The following CBFA2T2 variants were observed in gnomAD, a reference collection of about 807,000 sequenced individuals.
The protein encoded by CBFA2T2 is CBFA2/RUNX1 partner transcriptional co-repressor 2.
In CBFA2T2, 11 loss-of-function variants were observed where a neutral mutation model predicts 62.2. That is an observed-to-expected ratio of 0.18 (90% CI 0.11 to 0.29). The LOEUF (loss-of-function observed/expected upper bound fraction) is 0.29. Among genes scored for constraint, CBFA2T2 ranks in the 10% least tolerant of loss-of-function variants. The pLI, the probability that CBFA2T2 is intolerant of heterozygous loss-of-function variation, is 1.00. For missense variants in CBFA2T2, 592 were observed against 774.1 expected (o/e 0.76, Z 2.79); for synonymous variants, 295 against 287.5 (o/e 1.03, Z -0.27).
intron 1 of CBFA2T2, among the ~76,000 whole-genome samples, chr20:33,557,055 C>T (rs1212288580): frequency 8.5e-6 from 1 of 117,430 alleles, no homozygotes; most frequent in African/African-American, 3.4e-5. Flanking sequence ...CACTCTGTTG[C>T]CCCGGCTGGA....
At chr20:33,573,857 T>C (rs1332164049) in intron 1 of CBFA2T2, 3 of 238,730 alleles carry the variant, frequency 1.3e-5, no homozygotes, top group Non-Finnish European at 2.5e-5. Context: ...CATGGCTCAC[T>C]GCAGCCTTGA....
At chr20:33,536,184 G>A (rs961155710) in intron 1 of CBFA2T2, among the ~76,000 whole-genome samples, 1 of 152,146 alleles carries the variant, frequency 6.6e-6, no homozygotes, top group African/African-American at 2.4e-5. Flanking sequence ...GAGCTGTTGG[G>A]TACACCTCCC....
intron 8 of CBFA2T2, among the ~76,000 whole-genome samples, chr20:33,630,245 G>A (rs2016400130): frequency 6.6e-6 from 1 of 152,118 alleles, no homozygotes; most frequent in Non-Finnish European, 1.5e-5. Flanking sequence ...ACTGTGCCCA[G>A]CCTCGTACTT....
chr20:33,608,034 A>G lies in CBFA2T2; in HGVS notation c.178+935A>G, dbSNP rs527916671. On this transcript the variant is annotated intron_variant, in intron 2 of 10. Coordinates refer to ENST00000342704, the MANE Select transcript of CBFA2T2 (RefSeq NM_001032999.3). ...ATGGAGCAACTTGAACACTCATACA[A>G]TGCTGGTTGGAGTGTAATTTAGTAC... Among the ~76,000 whole-genome samples the G allele has an allele frequency of 9.2e-5, 14 of 152,366 alleles. No homozygotes were observed. The East Asian group carries it at 2.1e-3, about 23-fold the overall frequency.
chr20:33,544,013 G>A (rs534158919), intron 1 of CBFA2T2, among the ~76,000 whole-genome samples: 24 of 152,132 alleles, frequency 1.6e-4, no homozygotes, highest in African/African-American at 5.8e-4. Flanking sequence ...GATTATTGGA[G>A]TTGCTTCCTA....
At chr20:33,640,627 C>A in intron 10 of CBFA2T2, 96 bp downstream of exon 10, 1 of 1,124,740 alleles carries the variant, frequency 8.9e-7, no homozygotes, top group Non-Finnish European at 1.3e-6. Flanking sequence ...CACAGGCAGT[C>A]CACTCTTGAG....
At chr20:33,521,836 G>A (rs1412642160) in intron 1 of CBFA2T2, among the ~76,000 whole-genome samples, 1 of 152,070 alleles carries the variant, frequency 6.6e-6, no homozygotes, top group Non-Finnish European at 1.5e-5. Context: ...GTGTGTGTGT[G>A]TGTGTGTGTG....
intron 1 of CBFA2T2, among the ~76,000 whole-genome samples, chr20:33,560,911 C>G (rs2146892247): frequency 6.6e-6 from 1 of 152,272 alleles, no homozygotes; most frequent in South Asian, 2.1e-4. Context: ...CGGAGTCTCG[C>G]TCTGTCACCA....
At chr20:33,577,245 C>CTGG (rs2013874634) in intron 1 of CBFA2T2, among the ~76,000 whole-genome samples, 1 of 152,014 alleles carries the variant, frequency 6.6e-6, no homozygotes, top group African/African-American at 2.4e-5. Flanking sequence ...TCTAATATAC[C>CTGG]TGGATTTTTA....
intron 2 of CBFA2T2, among the ~76,000 whole-genome samples, chr20:33,609,488 C>T (rs1346216999): frequency 6.6e-6 from 1 of 151,822 alleles, no homozygotes; most frequent in Non-Finnish European, 1.5e-5. Flanking sequence ...GGAAACAGAG[C>T]AAGACTCGGT....
At chr20:33,554,311 G>A (rs1055291518) in intron 1 of CBFA2T2, among the ~76,000 whole-genome samples, 3 of 149,638 alleles carry the variant, frequency 2.0e-5, no homozygotes, top group African/African-American at 7.4e-5. Context: ...GGAGTGCAGA[G>A]GCATGATCTC....
At chr20:33,523,769 C>T (rs961713288) in intron 1 of CBFA2T2, among the ~76,000 whole-genome samples, 1 of 152,174 alleles carries the variant, frequency 6.6e-6, no homozygotes, top group Admixed American at 6.5e-5. Flanking sequence ...ACCGCAACCT[C>T]CGCCTCCCTG....
chr20:33,536,202 GT>G (rs1249074647), intron 1 of CBFA2T2, among the ~76,000 whole-genome samples: 1 of 152,142 alleles, frequency 6.6e-6, no homozygotes, highest in Non-Finnish European at 1.5e-5. Context: ...CCCAGACGGG[GT>G]GGTGGCCGGG....
intron 1 of CBFA2T2, among the ~76,000 whole-genome samples, chr20:33,582,889 C>T (rs538896558): frequency 1.3e-5 from 2 of 151,334 alleles, no homozygotes; most frequent in African/African-American, 2.4e-5. Context: ...TTGCAGTGAA[C>T]GAAGATCGCA....
chr20:33,600,711 G>A (rs571695268), intron 1 of CBFA2T2, among the ~76,000 whole-genome samples: 2 of 152,028 alleles, frequency 1.3e-5, no homozygotes, highest in Non-Finnish European at 1.5e-5. Flanking sequence ...TTGCCTGGCC[G>A]TCGTACATGG....
chr20:33,617,293 A>G (rs1475583340), intron 3 of CBFA2T2, among the ~76,000 whole-genome samples: 1 of 152,180 alleles, frequency 6.6e-6, no homozygotes, highest in South Asian at 2.1e-4. Flanking sequence ...TGTCCTGTAC[A>G]TGTGTACCTC....
intron 1 of CBFA2T2, among the ~76,000 whole-genome samples, chr20:33,523,496 TA>T (rs941927820): frequency 1.6e-4 from 24 of 152,126 alleles, no homozygotes; most frequent in African/African-American, 5.5e-4. Context: ...CAAAAGCATT[TA>T]AAAAAATGGG....
intron 1 of CBFA2T2, among the ~76,000 whole-genome samples, chr20:33,601,491 C>T (rs1428486198): frequency 2.0e-5 from 3 of 151,638 alleles, no homozygotes; most frequent in Non-Finnish European, 4.4e-5. Context: ...TCTTGAACTC[C>T]TGGCCTCAGG....
intron 1 of CBFA2T2, among the ~76,000 whole-genome samples, chr20:33,530,210 C>T (rs2012018437): frequency 6.6e-6 from 1 of 152,138 alleles, no homozygotes; most frequent in Non-Finnish European, 1.5e-5. Flanking sequence ...CAGGCATGAG[C>T]TATCACACCC....
Sources: allele counts gnomAD v4.1 joint callset (sites outside exome capture counted in the v4.1 genomes callset), GRCh38; gene constraint gnomAD v4.1.1; transcripts MANE v1.5; gene names NCBI Gene and HGNC (gene_info 2026-07-23, HGNC 2026-07-21).